ABTB2: variants seen among roughly 807,000 people sequenced by gnomAD.
ABTB2 encodes ankyrin repeat and BTB/POZ domain-containing protein 2.
A neutral mutation model predicts 104.1 loss-of-function variants in ABTB2; 56 were observed. The observed-to-expected ratio is 0.54, with a 90% CI of 0.43 to 0.67. The LOEUF (loss-of-function observed/expected upper bound fraction) is 0.67. ABTB2 is among the 30% of genes least tolerant of loss of function. The pLI is 0.00. For synonymous variants in ABTB2, 606 were observed against 608.2 expected (o/e 1.00, Z 0.05); for missense variants, 1,279 against 1,407.7 (o/e 0.91, Z 1.46).
intron 1 of ABTB2, among the ~76,000 whole-genome samples, chr11:34,246,752 T>C (rs1279366480): frequency 1.3e-5 from 2 of 151,956 alleles, no homozygotes; most frequent in Non-Finnish European, 2.9e-5. Flanking sequence ...CCAAAGTTCA[T>C]ACCTACACAA....
chr11:34,180,925 G>A (rs1317991271), intron 3 of ABTB2, among the ~76,000 whole-genome samples: 1 of 152,104 alleles, frequency 6.6e-6, no homozygotes, highest in Non-Finnish European at 1.5e-5. Context: ...GTTTTGTTTT[G>A]AGACAGTCTT....
intron 1 of ABTB2, among the ~76,000 whole-genome samples, chr11:34,324,405 A>C (rs925165323): frequency 2.0e-5 from 3 of 152,208 alleles, no homozygotes; most frequent in Non-Finnish European, 4.4e-5. Context: ...TCTGAGCCTG[A>C]ATTCACCACA....
intron 1 of ABTB2, chr11:34,335,975 T>C (rs1855189508): frequency 8.4e-6 from 5 of 597,832 alleles, no homozygotes; most frequent in African/African-American, 3.7e-5. Flanking sequence ...GAAAACAGTC[T>C]GGCTCTGTTA....
intron 1 of ABTB2, among the ~76,000 whole-genome samples, chr11:34,218,309 T>C (rs1853572268): frequency 6.6e-6 from 1 of 152,248 alleles, no homozygotes; most frequent in Non-Finnish European, 1.5e-5. Context: ...GTGCAGCTGA[T>C]TGATTCTTCC....
rs1852869425 is a variant in ABTB2 at position 34,171,149 on chromosome 11, C to T, written c.1398-78G>A. On this transcript the variant is annotated intron_variant, in intron 4 of 16. Transcript: ENST00000435224. Reference sequence around the variant, plus strand: ...CAATGATGTGACACACATGTGTGAGCTTTACGTGTAGAGTGAGGATGAGGA... The same window carrying T: ...CAATGATGTGACACACATGTGTGAGTTTTACGTGTAGAGTGAGGATGAGGA... 10 of 1,501,882 alleles carry T rather than the reference C, an allele frequency of 6.7e-6. No individual in the cohort carries two copies. In the Middle Eastern group the frequency reaches 8.8e-4, roughly 132 times the overall value. The allele number at this position is 1,501,882 out of a possible 1,614,324, so 93.0% of individuals were successfully genotyped here. A position where few individuals can be genotyped will look rare whatever the true frequency, so the allele number is the denominator to read the frequency against.
chr11:34,165,425 C>G, intron 7 of ABTB2, 69 bp from the exon 8 acceptor site: 1 of 1,352,800 alleles, frequency 7.4e-7, no homozygotes, highest in Non-Finnish European at 1.0e-6. Context: ...GGCCAGGGTG[C>G]TTTCGGGGAC....
chr11:34,265,661 G>GGAAA (rs1854238965), intron 1 of ABTB2, among the ~76,000 whole-genome samples: 1 of 25,654 alleles, frequency 3.9e-5, no homozygotes, highest in Admixed American at 3.7e-4. Flanking sequence ...TCTGTCTCAA[G>GGAAA]AAAAAAAAAA....
intron 1 of ABTB2, among the ~76,000 whole-genome samples, chr11:34,326,308 G>A (rs1855069818): frequency 1.3e-5 from 2 of 151,964 alleles, no homozygotes; most frequent in Admixed American, 6.6e-5. Flanking sequence ...ACACATAATA[G>A]ATACATTAAA....
In ABTB2 at chr11:34,195,079, GGGGGGGAGT is replaced by G. The variant is rs1286063629; in HGVS notation, c.1244+2237_1244+2245del. ...GGACATGACAAAGATGCCCGGCGGG[GGGGGGGAGT>G]GGGGGCGGGAGAAAGTGCCAGCAGA... is the stretch of plus-strand genomic sequence containing the variant. On this transcript the variant is annotated intron_variant, in intron 3 of 16. Coordinates refer to ENST00000435224, the MANE Select transcript of ABTB2 (RefSeq NM_145804.3). 3.0e-5 allele frequency among the ~76,000 whole-genome samples: 3 copies of G among 101,684 alleles called. 1 individual carries two copies. Among genetic ancestry groups the G allele is most frequent in the African/African-American group, 9.6e-5 (3 of 31,202 alleles). 66.7% of individuals were successfully genotyped at this position (101,684 alleles called of 152,430 possible).
intron 1 of ABTB2, among the ~76,000 whole-genome samples, chr11:34,212,062 T>A (rs1853487466): frequency 6.6e-6 from 1 of 151,886 alleles, no homozygotes; most frequent in Admixed American, 6.6e-5. Context: ...GAAGCAGGTT[T>A]TATTTATTTA....
chr11:34,160,408 A>T, intron 11 of ABTB2, 55 bp from the exon 12 acceptor site: 1 of 1,269,318 alleles, frequency 7.9e-7, no homozygotes, highest in Non-Finnish European at 1.2e-6. Context: ...GGCTGTTCAC[A>T]GATGCAGATA....
chr11:34,345,135 C>T (rs1424852902), intron 1 of ABTB2, among the ~76,000 whole-genome samples: 1 of 152,198 alleles, frequency 6.6e-6, no homozygotes, highest in Admixed American at 6.5e-5. Flanking sequence ...TTTCAGCTTA[C>T]TCAGAACTAA....
At chr11:34,219,437 G>C (rs748714813) in intron 1 of ABTB2, among the ~76,000 whole-genome samples, 7 of 152,004 alleles carry the variant, frequency 4.6e-5, no homozygotes, top group Non-Finnish European at 7.4e-5. Flanking sequence ...CCCAGCTGTG[G>C]GAGGCTGAGG....
intron 1 of ABTB2, among the ~76,000 whole-genome samples, chr11:34,263,054 A>G (rs536758871): frequency 5.9e-5 from 9 of 152,222 alleles, no homozygotes; most frequent in African/African-American, 2.2e-4. Flanking sequence ...CCCTGATGCT[A>G]AAGGACTCCG....
In ABTB2 at chr11:34,228,533, C is replaced by T. The variant is rs538379784; in HGVS notation, c.884-23843G>A. ...CAGAGTAGCTGGAATTACAGGCGCCCGCCACCATACCTAGATAATTTTTAT... is the reference window on the plus strand; with the variant it reads ...CAGAGTAGCTGGAATTACAGGCGCCTGCCACCATACCTAGATAATTTTTAT... On this transcript the variant is annotated intron_variant, in intron 1 of 16. Transcript: ENST00000435224. Among the ~76,000 whole-genome samples, 58 of 152,068 alleles carry T rather than the reference C, an allele frequency of 3.8e-4. 1 individual carries two copies. The highest frequency in any genetic ancestry group is 3.5e-3 in the East Asian group (18 of 5,160).
chr11:34,207,962 C>G (rs1221287109), intron 1 of ABTB2, among the ~76,000 whole-genome samples: 1 of 152,148 alleles, frequency 6.6e-6, no homozygotes, highest in East Asian at 1.9e-4. Flanking sequence ...TGGAGGCCTC[C>G]CATGAAACTC....
chr11:34,304,236 T>C (rs1292457109), intron 1 of ABTB2, among the ~76,000 whole-genome samples: 1 of 152,216 alleles, frequency 6.6e-6, no homozygotes, highest in Non-Finnish European at 1.5e-5. Flanking sequence ...AGGTCCAACA[T>C]ATGCTCTGTG....
chr11:34,208,836 C>T (rs1162959431), intron 1 of ABTB2, among the ~76,000 whole-genome samples: 2 of 152,022 alleles, frequency 1.3e-5, no homozygotes, highest in Admixed American at 1.3e-4. Flanking sequence ...ACCAACATAT[C>T]TCAAAAATCC....
At chr11:34,342,914 C>CCATTT (rs1742361314) in intron 1 of ABTB2, among the ~76,000 whole-genome samples, 3 of 150,946 alleles carry the variant, frequency 2.0e-5, no homozygotes, top group South Asian at 2.1e-4. Flanking sequence ...GGTGTCACTC[C>CCATTT]CATTTCATTT....
Sources: gnomAD v4.1 joint callset for allele counts (sites outside exome capture counted in the v4.1 genomes callset) on GRCh38, gnomAD v4.1.1 for gene constraint, MANE v1.5 for transcripts, NCBI Gene and HGNC (gene_info 2026-07-23, HGNC 2026-07-21) for gene names.